CCDC171: variants seen among roughly 807,000 people sequenced by gnomAD.
CCDC171 encodes coiled-coil domain-containing protein 171.
In CCDC171, 177 loss-of-function variants were observed where a neutral mutation model predicts 168.2. That is an observed-to-expected ratio of 1.05 (90% CI 0.93 to 1.19). The LOEUF (loss-of-function observed/expected upper bound fraction) is 1.19. Ranked by LOEUF, CCDC171 falls within the 50% of genes most tolerant of loss-of-function variation. The pLI is 0.00. For missense variants in CCDC171, 1,991 were observed against 1,539.0 expected (o/e 1.29, Z -4.91); for synonymous variants, 687 against 540.8 (o/e 1.27, Z -3.75).
chr9:15,719,377 C>G (rs1300349903), intron 11 of CCDC171, among the ~76,000 whole-genome samples: 2 of 109,726 alleles, frequency 1.8e-5, no homozygotes, highest in Non-Finnish European at 3.4e-5. Context: ...AGTTATTGGC[C>G]TTCAAGGCTG....
chr9:15,926,478 C>G (rs532398825), intron 25 of CCDC171, among the ~76,000 whole-genome samples: 1 of 151,518 alleles, frequency 6.6e-6, no homozygotes, highest in Admixed American at 6.6e-5. Flanking sequence ...GATTCCACTT[C>G]TGACCATTTT....
At chr9:16,086,086 C>CT in the CCDC171 span, among the ~76,000 whole-genome samples, 3 of 151,994 alleles carry the variant, frequency 2.0e-5, no homozygotes, top group Non-Finnish European at 4.4e-5. Context: ...TGGTCCTGGA[C>CT]TTTTTTTGAT....
chr9:15,716,772 C>T (rs980638195), intron 11 of CCDC171, among the ~76,000 whole-genome samples: 1 of 152,080 alleles, frequency 6.6e-6, no homozygotes, highest in East Asian at 1.9e-4. Flanking sequence ...GATAATAAAC[C>T]CATTCCTGTG....
intron 7 of CCDC171, among the ~76,000 whole-genome samples, chr9:15,651,826 TTG>T (rs1243754022): frequency 7.2e-6 from 1 of 139,658 alleles, no homozygotes; most frequent in African/African-American, 2.9e-5. Context: ...TTCTATGAAG[TTG>T]TTTGTTTGTT....
chr9:15,577,949 A>G (rs1415786182), intron 3 of CCDC171, among the ~76,000 whole-genome samples: 1 of 152,236 alleles, frequency 6.6e-6, no homozygotes, highest in East Asian at 1.9e-4. Context: ...CCTATTGAGA[A>G]GCCAGTTGTC....
chr9:15,933,996 G>A (rs1489160552), intron 25 of CCDC171, among the ~76,000 whole-genome samples: 1 of 151,918 alleles, frequency 6.6e-6, no homozygotes, highest in African/African-American at 2.4e-5. Context: ...CCCATAGAAT[G>A]GGGGAAAATA....
chr9:15,908,292 T>C (rs1823033182), intron 24 of CCDC171, among the ~76,000 whole-genome samples: 1 of 152,208 alleles, frequency 6.6e-6, no homozygotes, highest in Non-Finnish European at 1.5e-5. Flanking sequence ...TAAGAAAATG[T>C]GGCACATATA....
intron 6 of CCDC171, among the ~76,000 whole-genome samples, chr9:15,596,062 A>G (rs367998823): frequency 6.6e-6 from 1 of 152,236 alleles, no homozygotes; most frequent in Non-Finnish European, 1.5e-5. Flanking sequence ...TCAGATGAGT[A>G]GATTGCAAAA....
At chr9:15,624,036 A>G (rs2044815334) in intron 7 of CCDC171, among the ~76,000 whole-genome samples, 1 of 152,224 alleles carries the variant, frequency 6.6e-6, no homozygotes, top group Admixed American at 6.5e-5. Flanking sequence ...TGTCCTAAAC[A>G]TAATTTGTAA....
intron 3 of CCDC171, among the ~76,000 whole-genome samples, chr9:15,993,606 A>G (rs1194319165): frequency 6.6e-6 from 1 of 152,212 alleles, no homozygotes; most frequent in Non-Finnish European, 1.5e-5. Context: ...GATCTAATTA[A>G]ACTGAAGAGC....
chr9:15,826,430 C>G (rs533398826), intron 21 of CCDC171, among the ~76,000 whole-genome samples: 2 of 152,176 alleles, frequency 1.3e-5, no homozygotes, highest in East Asian at 1.9e-4. Context: ...ACTCCCATAT[C>G]AAGATGTGGA....
At chr9:15,815,176 A>C (rs368444629) in intron 21 of CCDC171, among the ~76,000 whole-genome samples, 54 of 152,176 alleles carry the variant, frequency 3.5e-4, no homozygotes, top group African/African-American at 1.3e-3. Context: ...TCATCCCATC[A>C]AGCTGTTAGC....
intron 9 of CCDC171, among the ~76,000 whole-genome samples, chr9:15,671,893 G>A (rs1229703526): frequency 6.6e-6 from 1 of 152,146 alleles, no homozygotes; most frequent in African/African-American, 2.4e-5. Context: ...GCGTCAAGTG[G>A]TATTTCTAGT....
the CCDC171 span, among the ~76,000 whole-genome samples, chr9:16,066,911 G>A: frequency 4.1e-4 from 62 of 151,294 alleles, no homozygotes; most frequent in African/African-American, 1.3e-3. Context: ...GAATAATGCC[G>A]CAATAAACAT....
chr9:15,866,080 T>C (rs1419940684), intron 23 of CCDC171, among the ~76,000 whole-genome samples: 1 of 151,838 alleles, frequency 6.6e-6, no homozygotes, highest in Non-Finnish European at 1.5e-5. Flanking sequence ...AGTTCAATAT[T>C]AAATGCAAAA....
intron 25 of CCDC171, among the ~76,000 whole-genome samples, chr9:15,952,432 G>T (rs1003379106): frequency 1.3e-5 from 2 of 152,060 alleles, no homozygotes; most frequent in African/African-American, 4.8e-5. Flanking sequence ...GAGTCTCGCT[G>T]TGTTTCCCAG....
chr9:15,594,763 G>C (rs1462023352), intron 6 of CCDC171, among the ~76,000 whole-genome samples: 1 of 152,080 alleles, frequency 6.6e-6, no homozygotes, highest in Non-Finnish European at 1.5e-5. Context: ...TCTCACTCCA[G>C]TGTACTTTGC....
intron 18 of CCDC171, among the ~76,000 whole-genome samples, chr9:15,755,396 T>C (rs535899091): frequency 6.6e-6 from 1 of 152,268 alleles, no homozygotes; most frequent in African/African-American, 2.4e-5. Flanking sequence ...CATAGAGTTA[T>C]CATATGAGCT....
chr9:16,106,746 A>G, the CCDC171 span, among the ~76,000 whole-genome samples: 1 of 152,132 alleles, frequency 6.6e-6, no homozygotes, highest in African/African-American at 2.4e-5. Flanking sequence ...AGAATATGGT[A>G]AAATATGCTA....
Sources: gnomAD v4.1 joint callset for allele counts (sites outside exome capture counted in the v4.1 genomes callset) on GRCh38, gnomAD v4.1.1 for gene constraint, MANE v1.5 for transcripts, NCBI Gene and HGNC (gene_info 2026-07-23, HGNC 2026-07-21) for gene names.